Variants in PTPRD observed in about 807,000 individuals in gnomAD.
PTPRD encodes the protein receptor-type tyrosine-protein phosphatase delta.
Under a neutral mutation model 214.5 loss-of-function variants are expected in PTPRD, and 34 were observed. The ratio of observed to expected loss-of-function variants is 0.16; its 90% CI spans 0.12 to 0.21. The LOEUF is 0.21. PTPRD is among the 10% of genes least tolerant of loss of function. The probability of loss-of-function intolerance (pLI) is 1.00; values close to 1 mark genes in which losing one functional copy is unlikely to be tolerated. For missense variants in PTPRD, 2,545 were observed against 2,398.7 expected, an observed-to-expected ratio of 1.06 and a Z score of -1.27; for synonymous variants, 1,128 against 845.7, an observed-to-expected ratio of 1.33 and a Z score of -5.79.
At chr9:8,466,009 T>C (rs1200731072) in intron 31 of PTPRD, among the ~76,000 whole-genome samples, 2 of 151,838 alleles carry the variant, frequency 1.3e-5, no homozygotes, top group African/African-American at 2.4e-5. Context: ...AAAAGTCAGC[T>C]TGATTCATAA....
intron 14 of PTPRD, among the ~76,000 whole-genome samples, chr9:8,568,598 G>C (rs1212009202): frequency 6.6e-6 from 1 of 152,126 alleles, no homozygotes; most frequent in African/African-American, 2.4e-5. Context: ...GGAGAGAAAG[G>C]TCAGGGCTAT....
intron 10 of PTPRD, among the ~76,000 whole-genome samples, chr9:9,024,685 G>T (rs1433687808): frequency 1.3e-5 from 2 of 151,564 alleles, no homozygotes; most frequent in Admixed American, 6.6e-5. Flanking sequence ...CTGTTGAAAA[G>T]TTTATTTTTT....
chr9:8,835,744 C>T (rs924966204), intron 11 of PTPRD, among the ~76,000 whole-genome samples: 1 of 152,002 alleles, frequency 6.6e-6, no homozygotes, highest in South Asian at 2.1e-4. Flanking sequence ...CTCTATGCTG[C>T]CCAGGCTGGT....
chr9:10,585,395 G>A (rs1272350437), intron 2 of PTPRD, among the ~76,000 whole-genome samples: 1 of 151,724 alleles, frequency 6.6e-6, no homozygotes, highest in Admixed American at 6.6e-5. Flanking sequence ...CTCATTAGGA[G>A]ATAGCCAATT....
At chr9:8,534,903 T>C (rs1228501266) in intron 14 of PTPRD, among the ~76,000 whole-genome samples, 2 of 151,920 alleles carry the variant, frequency 1.3e-5, no homozygotes, top group Non-Finnish European at 2.9e-5. Flanking sequence ...TTTGAACTAT[T>C]AGTTCTAAAA....
At chr9:9,968,611 A>G (rs1270742949) in intron 4 of PTPRD, among the ~76,000 whole-genome samples, 2 of 152,060 alleles carry the variant, frequency 1.3e-5, no homozygotes, top group Non-Finnish European at 2.9e-5. Context: ...GTGTTTTGAG[A>G]ATGGAAGGGA....
chr9:10,036,506 G>GCA (rs59938783), intron 3 of PTPRD, among the ~76,000 whole-genome samples: 2,935 of 142,014 alleles, frequency 0.021, 74 homozygotes, highest in African/African-American at 0.062. Context: ...ACACACTCAT[G>GCA]CACACACACA....
intron 9 of PTPRD, among the ~76,000 whole-genome samples, chr9:9,234,351 C>T (rs1319320263): frequency 6.6e-6 from 1 of 152,158 alleles, no homozygotes; most frequent in East Asian, 1.9e-4. Context: ...TGGGCGGGCC[C>T]TGGGCCCAGC....
chr9:9,736,749 GT>G (rs1285890247), intron 6 of PTPRD, among the ~76,000 whole-genome samples: 1 of 151,794 alleles, frequency 6.6e-6, no homozygotes, highest in African/African-American at 2.4e-5. Context: ...ATCTGAGAAG[GT>G]TTTTTTAAGT....
chr9:9,846,083 T>C (rs1158712670), intron 5 of PTPRD, among the ~76,000 whole-genome samples: 2 of 152,134 alleles, frequency 1.3e-5, no homozygotes, highest in South Asian at 2.1e-4. Flanking sequence ...AAAGTAACTT[T>C]CTATTTTTAA....
intron 11 of PTPRD, among the ~76,000 whole-genome samples, chr9:8,811,072 T>A (rs1014218642): frequency 6.6e-6 from 1 of 152,122 alleles, no homozygotes; most frequent in African/African-American, 2.4e-5. Context: ...CCACTGTGAG[T>A]GAAATCGAAG....
At chr9:8,611,116 A>G (rs957361710) in intron 14 of PTPRD, among the ~76,000 whole-genome samples, 3 of 152,342 alleles carry the variant, frequency 2.0e-5, no homozygotes, top group African/African-American at 4.8e-5. Flanking sequence ...TATAATCACT[A>G]AAATAGATGT....
chr9:9,194,409 G>A (rs2099937036), intron 9 of PTPRD, among the ~76,000 whole-genome samples: 1 of 151,896 alleles, frequency 6.6e-6, no homozygotes, highest in African/African-American at 2.4e-5. Context: ...ATAATTTTAT[G>A]TGCTCTACTT....
intron 2 of PTPRD, among the ~76,000 whole-genome samples, chr9:10,410,394 G>A (rs2098422289): frequency 6.7e-6 from 1 of 150,202 alleles, no homozygotes; most frequent in African/African-American, 2.4e-5. Flanking sequence ...ATCCTCAAAG[G>A]GCAGAGGTTT....
At chr9:9,962,314 TTAAG>T (rs1310695939) in intron 4 of PTPRD, among the ~76,000 whole-genome samples, 3 of 151,880 alleles carry the variant, frequency 2.0e-5, no homozygotes, top group Non-Finnish European at 4.4e-5. Context: ...AAAACAATAA[TTAAG>T]TTATAGAGAA....
At chr9:9,076,792 CTTTTTT>C (rs34543317) in intron 10 of PTPRD, among the ~76,000 whole-genome samples, 1 of 143,942 alleles carries the variant, frequency 6.9e-6, no homozygotes, top group Non-Finnish European at 1.5e-5. Context: ...TGATAATTTC[CTTTTTT>C]TTTTTTTTGG....
At chr9:9,330,331 C>T (rs1354436841) in intron 9 of PTPRD, among the ~76,000 whole-genome samples, 2 of 152,112 alleles carry the variant, frequency 1.3e-5, no homozygotes, top group African/African-American at 4.8e-5. Flanking sequence ...CTGATTGAAG[C>T]TGTATAAGAA....
chr9:9,040,423 C>G (rs919730908), intron 10 of PTPRD, among the ~76,000 whole-genome samples: 1 of 152,090 alleles, frequency 6.6e-6, no homozygotes, highest in Admixed American at 6.6e-5. Context: ...TTAGAAAATC[C>G]TAGAGATTTT....
At chr9:8,504,209 C>A in intron 23 of PTPRD, 52 bp downstream of exon 23, 2 of 1,595,808 alleles carry the variant, frequency 1.3e-6, no homozygotes, top group Non-Finnish European at 1.7e-6. Flanking sequence ...AAGCTAGCAA[C>A]ATCTCCCCGA....
Sources: allele counts gnomAD v4.1 joint callset (sites outside exome capture counted in the v4.1 genomes callset), GRCh38; gene constraint gnomAD v4.1.1; transcripts MANE v1.5; gene names NCBI Gene and HGNC (gene_info 2026-07-23, HGNC 2026-07-21).